The following AFF3 variants were observed in gnomAD, a reference collection of about 807,000 sequenced individuals.
AFF3 encodes the protein AF4/FMR2 family member 3.
AFF3 carries 32 observed loss-of-function variants against 129.7 expected under a neutral mutation model. The ratio of observed to expected loss-of-function variants is 0.25; its 90% CI spans 0.19 to 0.33. The LOEUF is 0.33. Ranked by LOEUF, AFF3 falls within the 10% of genes least tolerant of loss-of-function variation. The probability of loss-of-function intolerance (pLI) is 1.00; values close to 1 mark genes in which losing one functional copy is unlikely to be tolerated. For missense variants in AFF3, 1,373 were observed against 1,592.0 expected, an observed-to-expected ratio of 0.86 and a Z score of 2.34; for synonymous variants, 644 against 635.4, an observed-to-expected ratio of 1.01 and a Z score of -0.20.
At chr2:99,958,201 G>A (rs902341039) in intron 7 of AFF3, among the ~76,000 whole-genome samples, 12 of 152,052 alleles carry the variant, frequency 7.9e-5, no homozygotes, top group African/African-American at 2.9e-4. Flanking sequence ...TCAAAAACTG[G>A]GGGATACAGG....
chr2:99,601,292 T>A (rs76807263), intron 14 of AFF3, 143 bp downstream of exon 14: 1 of 1,011,924 alleles, frequency 9.9e-7, no homozygotes, highest in Non-Finnish European at 1.3e-6. Flanking sequence ...CCGAAGCCCA[T>A]AGCCTCCTCC....
intron 7 of AFF3, among the ~76,000 whole-genome samples, chr2:99,918,632 G>A (rs1695645058): frequency 6.6e-6 from 1 of 152,120 alleles, no homozygotes; most frequent in Non-Finnish European, 1.5e-5. Context: ...CAGACCTAAC[G>A]CAAATAGGTA....
intron 8 of AFF3, among the ~76,000 whole-genome samples, chr2:99,818,021 C>A (rs924066504): frequency 6.6e-6 from 1 of 152,096 alleles, no homozygotes; most frequent in Non-Finnish European, 1.5e-5. Context: ...AAATAACTGG[C>A]TTTTTATAGC....
chr2:99,784,922 C>A (rs1449605648), intron 8 of AFF3, among the ~76,000 whole-genome samples: 1 of 152,184 alleles, frequency 6.6e-6, no homozygotes, highest in East Asian at 1.9e-4. Context: ...TTCCTCTTTG[C>A]AAATATGTCT....
At chr2:100,113,522 G>A (rs551193216) in intron 2 of AFF3, among the ~76,000 whole-genome samples, 3 of 152,302 alleles carry the variant, frequency 2.0e-5, no homozygotes, top group East Asian at 1.9e-4. Flanking sequence ...CAGAAAGAAC[G>A]ACTGATTTGC....
chr2:99,654,165 C>A (rs1175694713), intron 12 of AFF3, among the ~76,000 whole-genome samples: 1 of 152,200 alleles, frequency 6.6e-6, no homozygotes, highest in African/African-American at 2.4e-5. Context: ...CAGGTGTGCG[C>A]CACTGCGCCT....
intron 8 of AFF3, among the ~76,000 whole-genome samples, chr2:99,823,677 A>T (rs1687856662): frequency 6.6e-6 from 1 of 152,244 alleles, no homozygotes; most frequent in African/African-American, 2.4e-5. Context: ...TGCTATTCAC[A>T]GTAGCAAAGA....
intron 13 of AFF3, among the ~76,000 whole-genome samples, chr2:99,631,173 G>A (rs1683085319): frequency 6.6e-6 from 1 of 152,104 alleles, no homozygotes; most frequent in Non-Finnish European, 1.5e-5. Flanking sequence ...AAATGCATGT[G>A]CTCTTCTTTC....
At chr2:99,947,444 A>C (rs973557350) in intron 7 of AFF3, among the ~76,000 whole-genome samples, 1 of 151,542 alleles carries the variant, frequency 6.6e-6, no homozygotes, top group African/African-American at 2.4e-5. Context: ...CCCCCTCCAA[A>C]GATAGAAAGA....
At chr2:100,051,168 G>A (rs1216866469) in intron 4 of AFF3, among the ~76,000 whole-genome samples, 1 of 152,140 alleles carries the variant, frequency 6.6e-6, no homozygotes, top group Non-Finnish European at 1.5e-5. Flanking sequence ...TGGTTATCCT[G>A]CCGGTTAGGG....
chr2:100,114,874 T>G (rs945586167), intron 2 of AFF3, among the ~76,000 whole-genome samples: 4 of 152,222 alleles, frequency 2.6e-5, no homozygotes, highest in African/African-American at 4.8e-5. Context: ...CTGATTGTAT[T>G]GATAATATAC....
intron 7 of AFF3, among the ~76,000 whole-genome samples, chr2:99,916,146 A>C (rs1419451594): frequency 2.6e-5 from 4 of 152,180 alleles, no homozygotes; most frequent in African/African-American, 9.7e-5. Flanking sequence ...CAGCGTTTCA[A>C]AGTGGGGTGG....
intron 4 of AFF3, among the ~76,000 whole-genome samples, chr2:100,036,834 GAA>G (rs60910274): frequency 8.4e-6 from 1 of 118,756 alleles, no homozygotes; most frequent in African/African-American, 3.1e-5. Flanking sequence ...ACTCCAAACA[GAA>G]AAAAAAAAAA....
intron 1 of AFF3, among the ~76,000 whole-genome samples, chr2:100,135,003 G>C (rs1156742779): frequency 6.6e-6 from 1 of 152,224 alleles, no homozygotes; most frequent in Non-Finnish European, 1.5e-5. Flanking sequence ...AGTGAGAGGT[G>C]ACCTATGCAT....
chr2:99,587,080 C>T, intron 16 of AFF3, 74 bp downstream of exon 16: 1 of 1,592,596 alleles, frequency 6.3e-7, no homozygotes, highest in Non-Finnish European at 8.6e-7. Context: ...CCTGACCCTC[C>T]TCCAACATAG....
At position 100,065,062 on chromosome 2, in the gene AFF3, C is replaced by G. The variant is rs141875928; in HGVS notation, c.53+39340G>C. ...TAACTCCCAGAAAATATAATTCACG[C>G]ACATTTTATACCACACAGCATCCTG... On this transcript the variant is annotated intron_variant, in intron 4 of 24. Coordinates refer to ENST00000672756, the MANE Select transcript of AFF3 (RefSeq NM_001386135.1). Among the ~76,000 whole-genome samples the G allele has an allele frequency of 1.4e-3, 214 of 152,308 alleles. 2 individuals carry two copies. The highest frequency in any genetic ancestry group is 6.2e-4 in the South Asian group (3 of 4,832).
chr2:99,710,516 G>A (rs1404103227), intron 11 of AFF3, among the ~76,000 whole-genome samples: 2 of 152,100 alleles, frequency 1.3e-5, no homozygotes, highest in Non-Finnish European at 2.9e-5. Context: ...CAAAGTGTTG[G>A]TATTACAGGT....
At chr2:99,825,364 G>A (rs571731535) in intron 8 of AFF3, among the ~76,000 whole-genome samples, 65 of 152,192 alleles carry the variant, frequency 4.3e-4, no homozygotes, top group African/African-American at 1.5e-3. Context: ...ATCTGTGTGT[G>A]TACAATAGTA....
rs571386138 is a variant in AFF3, at chr2:99,578,225, C to T, written c.2918+102G>A. On this transcript the variant is annotated intron_variant, in intron 18 of 24. Coordinates refer to ENST00000672756, the MANE Select transcript of AFF3 (RefSeq NM_001386135.1). ...AGTCCCAGGGGAAAAAAAGGCCGCACTGTAGCTGAAGGTGGCCACACCAAG... is the reference window on the plus strand; with the variant it reads ...AGTCCCAGGGGAAAAAAAGGCCGCATTGTAGCTGAAGGTGGCCACACCAAG... 12 of 1,448,108 alleles carry T rather than the reference C, an allele frequency of 8.3e-6. No homozygotes were observed. In the East Asian group the frequency reaches 2.0e-4, roughly 25 times the overall value. 89.7% of individuals were successfully genotyped at this position (1,448,108 alleles called of 1,614,324 possible).
Sources: gnomAD v4.1 joint callset for allele counts (sites outside exome capture counted in the v4.1 genomes callset) on GRCh38, gnomAD v4.1.1 for gene constraint, MANE v1.5 for transcripts, NCBI Gene and HGNC (gene_info 2026-07-23, HGNC 2026-07-21) for gene names.